The following GPR37 variants were observed in gnomAD, a reference collection of about 807,000 sequenced individuals.
GPR37 encodes prosaposin receptor GPR37.
A neutral mutation model predicts 43.6 loss-of-function variants in GPR37; 20 were observed. The ratio of observed to expected loss-of-function variants is 0.46; its 90% CI spans 0.32 to 0.67. GPR37 has a LOEUF of 0.67. Ranked by LOEUF, GPR37 falls within the 30% of genes least tolerant of loss-of-function variation. The pLI, the probability that GPR37 is intolerant of heterozygous loss-of-function variation, is 0.03. For missense variants in GPR37, 724 were observed against 797.2 expected (o/e 0.91, Z 1.11); for synonymous variants, 315 against 322.6 (o/e 0.98, Z 0.25).
In GPR37 at chr7:124,764,835, CTG is replaced by C; in HGVS notation, c.140_141del (p.Thr47SerfsTer48). ...GCGTCCCTGCCGCGGCGCTGGATCA[CTG>C]TAGGTGCACAGCTCTCCCCCAGACA... ...ETCLGESCAP[T>X]VIQRRGRDAW... On this transcript the variant is annotated frameshift_variant, in exon 1 of 2. Coordinates refer to ENST00000303921, the MANE Select transcript of GPR37 (RefSeq NM_005302.5). LOFTEE classifies it high-confidence loss of function. The surrounding 1 kb of genome is among the most constrained non-coding windows in gnomAD (Gnocchi z 5.4). The C allele has an allele frequency of 6.2e-7, 1 of 1,613,746 alleles. No individual in the cohort carries two copies. The highest frequency in any genetic ancestry group is 8.5e-7 in the Non-Finnish European group (1 of 1,180,002).
intron 1 of GPR37, among the ~76,000 whole-genome samples, chr7:124,757,727 T>C (rs1008310244): frequency 6.6e-6 from 1 of 152,206 alleles, no homozygotes; most frequent in Non-Finnish European, 1.5e-5. Flanking sequence ...CATCATGGTG[T>C]AGAACATTAC....
chr7:124,756,885 C>T (rs1793797342), intron 1 of GPR37, among the ~76,000 whole-genome samples: 1 of 152,114 alleles, frequency 6.6e-6, no homozygotes, highest in Non-Finnish European at 1.5e-5. Context: ...TCCATGCAGC[C>T]TAAATATGAA....
chr7:124,759,791 G>C (rs573880699), intron 1 of GPR37, among the ~76,000 whole-genome samples: 2 of 152,270 alleles, frequency 1.3e-5, no homozygotes, highest in Non-Finnish European at 2.9e-5. Context: ...TCTCACAATA[G>C]ACCTTGGAAG....
chr7:124,746,944 C>T lies in GPR37; in HGVS notation c.1423G>A (p.Ala475Thr). ...TGCCGTTTATTCCCTCGGGTACAGG[C>T]TTTCTCTGCTTTGCGGATTTTCCTC... ...TARKIRKAEK[A>T]CTRGNKRQIQ... is the part of the protein sequence containing the mutation. The change falls in exon 2 of 2, where the codon GCC (alanine) becomes ACC (threonine). Residue 475 changes from alanine to threonine, a missense_variant. This residue lies in a region of GPR37 where 342 missense variants were observed against 441.8 expected (regional missense o/e 0.77). Coordinates refer to ENST00000303921, the MANE Select transcript of GPR37 (RefSeq NM_005302.5). The T allele has an allele frequency of 6.2e-7, 1 of 1,614,060 alleles. No homozygotes were observed. The highest frequency in any genetic ancestry group is 1.1e-5 in the South Asian group (1 of 91,086).
chr7:124,756,691 C>T (rs974656735), intron 1 of GPR37, among the ~76,000 whole-genome samples: 18 of 152,300 alleles, frequency 1.2e-4, no homozygotes, highest in Non-Finnish European at 1.5e-4. Context: ...AAATGACAGG[C>T]GCATCCCTGG....
chr7:124,759,093 G>A (rs923821000), intron 1 of GPR37, among the ~76,000 whole-genome samples: 6 of 148,850 alleles, frequency 4.0e-5, no homozygotes, highest in Admixed American at 4.0e-4. Flanking sequence ...TTGAGACAGG[G>A]TCCCACTCTG....
chr7:124,762,215 T>C (rs1793859306), intron 1 of GPR37, among the ~76,000 whole-genome samples: 1 of 152,190 alleles, frequency 6.6e-6, no homozygotes, highest in South Asian at 2.1e-4. Context: ...TGCTTATATC[T>C]CATTAAATTA....
In GPR37 at chr7:124,764,346, T is replaced by C. The variant is rs958472706; in HGVS notation, c.631A>G (p.Thr211Ala). The C allele has an allele frequency of 6.2e-7, 1 of 1,613,142 alleles. No homozygotes were observed. Among genetic ancestry groups the C allele is most frequent in the Non-Finnish European group, 8.5e-7 (1 of 1,179,878 alleles). ...AGCGCCCGGCCCGGGAGTGCAATTG[T>C]CCACCCTTCGTGCCCCGCCAGTCCA... The part of the protein sequence containing the change: ...ANGLAGHEGW[T>A]IALPGRALAQ... Residue 211 changes from threonine to alanine, a missense_variant, in exon 1 of 2, where the codon ACA (threonine) becomes GCA (alanine). By Grantham distance (58) the Thr-to-Ala change is moderately conservative (BLOSUM62 0). This residue lies in a region of GPR37 where 382 missense variants were observed against 355.4 expected (regional missense o/e 1.07). Coordinates refer to ENST00000303921, the MANE Select transcript of GPR37 (RefSeq NM_005302.5). This position sits in a 1 kb window ranked among gnomAD's most constrained non-coding sequence, Gnocchi z 5.4.
chr7:124,753,986 A>T (rs1279901747), intron 1 of GPR37, among the ~76,000 whole-genome samples: 1 of 152,060 alleles, frequency 6.6e-6, no homozygotes, highest in Non-Finnish European at 1.5e-5. Flanking sequence ...TCAGAGTGAA[A>T]CTATCTCTTG....
intron 1 of GPR37, among the ~76,000 whole-genome samples, chr7:124,753,031 T>C (rs1199796425): frequency 6.6e-6 from 1 of 152,108 alleles, no homozygotes. Flanking sequence ...CCATTAGCTT[T>C]ATATGTTACT....
intron 1 of GPR37, among the ~76,000 whole-genome samples, chr7:124,757,817 G>A (rs766089648): frequency 6.6e-6 from 1 of 151,960 alleles, no homozygotes; most frequent in African/African-American, 2.4e-5. Flanking sequence ...TTCCTGTATT[G>A]CCTTCTCCTG....
In GPR37 at chr7:124,764,711, G is replaced by C. The variant is rs754962917; in HGVS notation, c.266C>G (p.Pro89Arg). ...AGCCGGGTCACGGCCCGGGGCCGCC[G>C]GCAGGTCCCAGGAGGGTCCCGCAAG... is the stretch of plus-strand genomic sequence containing the variant. ...AFLAGPSWDL[P>R]AAPGRDPAAG... The change falls in exon 1 of 2, where the codon CCG (proline) becomes CGG (arginine). Residue 89 changes from proline to arginine, a missense_variant. Physicochemically the swap from Pro to Arg is moderately radical, Grantham distance 103. This residue lies in a region of GPR37 where 382 missense variants were observed against 355.4 expected (regional missense o/e 1.07). Coordinates refer to ENST00000303921, the MANE Select transcript of GPR37 (RefSeq NM_005302.5). The surrounding 1 kb of genome is among the most constrained non-coding windows in gnomAD (Gnocchi z 5.4). 1 of 1,600,122 alleles carries C rather than the reference G, an allele frequency of 6.2e-7. No individual in the cohort carries two copies. Among genetic ancestry groups the C allele is most frequent in the East Asian group, 2.2e-5 (1 of 44,678 alleles).
At position 124,746,571 on chromosome 7, in the gene GPR37, A is replaced by G; in HGVS notation, c.1796T>C (p.Ile599Thr). 2 of 1,613,484 alleles carry G rather than the reference A, an allele frequency of 1.2e-6. No individual in the cohort carries two copies. Among genetic ancestry groups the G allele is most frequent in the South Asian group, 1.1e-5 (1 of 90,996 alleles). The change falls in exon 2 of 2, where the codon ATA becomes ACA. Residue 599 changes from isoleucine to threonine, a missense_variant. Physicochemically the swap from Ile to Thr is moderately conservative, Grantham distance 89 (BLOSUM62 -1). This residue lies in a region of GPR37 where 342 missense variants were observed against 441.8 expected (regional missense o/e 0.77). Coordinates refer to ENST00000303921, the MANE Select transcript of GPR37 (RefSeq NM_005302.5). ...AGCAAAAGTGGACATTTCACGGCGTATGGTACTGAAAGGCGAGAGTTCGAG... is the reference window on the plus strand; with the variant it reads ...AGCAAAAGTGGACATTTCACGGCGTGTGGTACTGAAAGGCGAGAGTTCGAG... ...TELELSPFST[I>T]RREMSTFASV...
Position 124,764,254 on chromosome 7 carries a change from C to A in GPR37, c.723G>T (p.Thr241=), listed in dbSNP as rs62638683. 12,922 of 1,598,330 alleles carry A rather than the reference C, an allele frequency of 8.1e-3. 69 individuals are homozygous for A. The highest frequency in any genetic ancestry group is 9.8e-3 in the Non-Finnish European group (11,542 of 1,172,394). Residue 241 remains threonine (T), a synonymous_variant, in exon 1 of 2, where the codon ACG becomes ACT. Transcript: ENST00000303921. The surrounding 1 kb of genome is among the most constrained non-coding windows in gnomAD (Gnocchi z 5.4). The part of the protein sequence containing the change: ...EPGGPRRGNS[T]NRRVRLKNPF... The stretch of plus-strand genomic sequence containing the variant: ...GGTTCTTCAGTCTCACACGCCGGTT[C>A]GTGCTGTTTCCCCGGCGGGGACCCC...
chr7:124,753,330 T>G (rs891526989), intron 1 of GPR37, among the ~76,000 whole-genome samples: 2 of 152,068 alleles, frequency 1.3e-5, no homozygotes, highest in Non-Finnish European at 2.9e-5. Flanking sequence ...AAAGGTTTAT[T>G]CCTAATTACA....
chr7:124,761,800 C>T (rs933446269), intron 1 of GPR37, among the ~76,000 whole-genome samples: 8 of 152,056 alleles, frequency 5.3e-5, no homozygotes, highest in African/African-American at 1.9e-4. Flanking sequence ...TTTTTATAAA[C>T]CATTCTAAAA....
Position 124,746,679 on chromosome 7 carries a change from C to A in GPR37, c.1688G>T (p.Cys563Phe), listed in dbSNP as rs778139622. ...GCATTCCTCACAGCAACAGCAGCAG[C>A]ACTCCATGAAGGCCCGACTGAAGGG... is the stretch of plus-strand genomic sequence containing the variant. ...CKPFSRAFME[C>F]CCCCCEECIQ... Residue 563 changes from cysteine to phenylalanine, a missense_variant, in exon 2 of 2, where the codon TGC (cysteine) becomes TTC (phenylalanine). By Grantham distance (205) the Cys-to-Phe change is radical. Coordinates refer to ENST00000303921, the MANE Select transcript of GPR37 (RefSeq NM_005302.5). 3.7e-6 allele frequency: 6 copies of A among 1,613,974 alleles called. No individual in the cohort carries two copies. The highest frequency in any genetic ancestry group is 4.2e-6 in the Non-Finnish European group (5 of 1,179,904).
At chr7:124,750,858 A>G (rs1417144039) in intron 1 of GPR37, among the ~76,000 whole-genome samples, 1 of 152,174 alleles carries the variant, frequency 6.6e-6, no homozygotes, top group Non-Finnish European at 1.5e-5. Flanking sequence ...AACAAAAGCC[A>G]GGACAAATGT....
rs374455144 is a variant in GPR37, at chr7:124,746,585, C to T, written c.1782G>A (p.Ser594=). The change falls in exon 2 of 2, where the codon TCG becomes TCA. Residue 594 remains serine, a synonymous_variant. Transcript: ENST00000303921. ...TTTCACGGCGTATGGTACTGAAAGGCGAGAGTTCGAGTTCCGTGGTGTACT... is the reference window on the plus strand; with the variant it reads ...TTTCACGGCGTATGGTACTGAAAGGTGAGAGTTCGAGTTCCGTGGTGTACT... ...DNEYTTELEL[S]PFSTIRREMS... 18 of 1,613,508 alleles carry T rather than the reference C, an allele frequency of 1.1e-5. No individual in the cohort carries two copies. The highest frequency in any genetic ancestry group is 9.9e-5 in the South Asian group (9 of 91,006).
Sources: allele counts gnomAD v4.1 joint callset (sites outside exome capture counted in the v4.1 genomes callset), GRCh38; gene constraint gnomAD v4.1.1; regional missense constraint gnomAD v4.1.1; non-coding constraint Gnocchi (gnomAD v3.1); transcripts MANE v1.5; gene names NCBI Gene and HGNC (gene_info 2026-07-23, HGNC 2026-07-21).